RWDD3: variants seen among roughly 807,000 people sequenced by gnomAD.
RWDD3 encodes RWD domain-containing protein 3.
A neutral mutation model predicts 26.5 loss-of-function variants in RWDD3; 30 were observed. The ratio of observed to expected loss-of-function variants is 1.13; its 90% CI spans 0.85 to 1.54. The LOEUF (loss-of-function observed/expected upper bound fraction) is 1.54. Ranked by LOEUF, RWDD3 falls within the 40% of genes most tolerant of loss-of-function variation. The probability of loss-of-function intolerance (pLI) is 0.00; values close to 1 mark genes in which losing one functional copy is unlikely to be tolerated. For synonymous variants in RWDD3, 113 were observed against 114.5 expected (o/e 0.99, Z 0.09); for missense variants, 296 against 309.1 (o/e 0.96, Z 0.32).
intron 1 of RWDD3, chr1:95,237,396 ATTCCTGG>A (rs1179981404): frequency 1.3e-5 from 2 of 152,390 alleles, no homozygotes; most frequent in East Asian, 3.9e-4. Context: ...GAGGAATTGC[ATTCCTGG>A]TAACAAGATA....
Position 95,244,498 on chromosome 1 carries a change from GA to G in RWDD3, c.377del (p.Lys126SerfsTer16), listed in dbSNP as rs780713701. 1 of 1,614,162 alleles carries G rather than the reference GA, an allele frequency of 6.2e-7. No individual in the cohort carries two copies. Among genetic ancestry groups the G allele is most frequent in the Non-Finnish European group, 8.5e-7 (1 of 1,180,022 alleles). On this transcript the variant is annotated frameshift_variant, in exon 2 of 4. Transcript: ENST00000370202. LOFTEE classifies it high-confidence loss of function. ...CCAACCAGAAACTGGCAGTGGCAGT[GA>G]AAAGTGTACTTTTTCAACAAGCACG... is the stretch of plus-strand genomic sequence containing the variant. ...LSQPETGSGS[E>X]KCTFSTSTTM... is the part of the protein sequence containing the mutation.
At position 95,235,734 on chromosome 1, in the gene RWDD3, C is replaced by T. The variant is rs1366383347; in HGVS notation, c.85+1419C>T. Among the ~76,000 whole-genome samples the T allele has an allele frequency of 6.6e-5, 10 of 152,160 alleles. No homozygotes were observed. The East Asian group carries it at 1.7e-3, about 27-fold the overall frequency. ...GCCCACATTTATTGAATCCCTGCTGCCTACAGACTTTGTCAGGGTTTCAGA... is the reference window on the plus strand; with the variant it reads ...GCCCACATTTATTGAATCCCTGCTGTCTACAGACTTTGTCAGGGTTTCAGA... On this transcript the variant is annotated intron_variant, in intron 1 of 3. Transcript: ENST00000370202.
chr1:95,244,453 A>T lies in RWDD3; in HGVS notation c.328A>T (p.Asn110Tyr). The change falls in exon 2 of 4, where the codon AAT becomes TAT. Residue 110 changes from asparagine (N) to tyrosine (Y), a missense_variant. Coordinates refer to ENST00000370202, the MANE Select transcript of RWDD3 (RefSeq NM_015485.5). ...TGAGCTGGTTCTCTGGATTCAGCAG[A>T]ATCTCAGGCATATCCTCAGCCAACC... ...VHELVLWIQQ[N>Y]LRHILSQPET... 1 of 1,614,230 alleles carries T rather than the reference A, an allele frequency of 6.2e-7. No homozygotes were observed. The highest frequency in any genetic ancestry group is 1.6e-4 in the Middle Eastern group (1 of 6,062).
chr1:95,235,106 G>T (rs1231119348), intron 1 of RWDD3, among the ~76,000 whole-genome samples: 1 of 151,624 alleles, frequency 6.6e-6, no homozygotes, highest in Non-Finnish European at 1.5e-5. Context: ...GAGTGCAGTG[G>T]CGCGATCTCG....
At chr1:95,239,930 G>A in intron 1 of RWDD3, 1 of 1,289,652 alleles carries the variant, frequency 7.8e-7, no homozygotes, top group South Asian at 1.2e-5. Context: ...ATATGGCACA[G>A]GTTGGAGAAC....
intron 2 of RWDD3, among the ~76,000 whole-genome samples, chr1:95,245,218 G>C (rs1680804620): frequency 6.6e-6 from 1 of 152,118 alleles, no homozygotes; most frequent in Non-Finnish European, 1.5e-5. Flanking sequence ...AGAATCATTA[G>C]GGCTGTCAAC....
chr1:95,246,741 TTTTGTA>T lies in RWDD3; in HGVS notation c.690-13_690-8del. 1 of 1,550,458 alleles carries T rather than the reference TTTTGTA, an allele frequency of 6.4e-7. No homozygotes were observed. Among genetic ancestry groups the T allele is most frequent in the East Asian group, 2.3e-5 (1 of 43,932 alleles). ...AAATCTAGGCATATTCATGAGTTTCTTTTGTATAATGCAGGTTTCTGGCATTTGAAG... is the reference window on the plus strand; with the variant it reads ...AAATCTAGGCATATTCATGAGTTTCTTAATGCAGGTTTCTGGCATTTGAAG... On this transcript the variant is annotated splice_polypyrimidine_tract_variant and intron_variant, in intron 3 of 3. Coordinates refer to ENST00000370202, the MANE Select transcript of RWDD3 (RefSeq NM_015485.5).
At position 95,244,478 on chromosome 1, in the gene RWDD3, C is replaced by G. The variant is rs1472738415; in HGVS notation, c.353C>G (p.Pro118Arg). 6.2e-7 allele frequency: 1 copy of G among 1,614,050 alleles called. No homozygotes were observed. The highest frequency in any genetic ancestry group is 8.5e-7 in the Non-Finnish European group (1 of 1,180,042). The change falls in exon 2 of 4, where the codon CCA becomes CGA. Residue 118 changes from proline (P) to arginine (R), a missense_variant. Pro to Arg is a moderately radical substitution (Grantham distance 103). Transcript: ENST00000370202. ...QQNLRHILSQ[P>R]ETGSGSEKCT... ...AATCTCAGGCATATCCTCAGCCAAC[C>G]AGAAACTGGCAGTGGCAGTGAAAAG...
chr1:95,236,409 A>C (rs902850276), intron 1 of RWDD3, among the ~76,000 whole-genome samples: 1 of 151,996 alleles, frequency 6.6e-6, no homozygotes, highest in African/African-American at 2.4e-5. Context: ...CCTTCATGAT[A>C]TCCATTGGGT....
At chr1:95,235,033 ATTTAT>A (rs1312926668) in intron 1 of RWDD3, among the ~76,000 whole-genome samples, 3 of 136,466 alleles carry the variant, frequency 2.2e-5, no homozygotes, top group African/African-American at 8.3e-5. Flanking sequence ...GCTGAATTTT[ATTTAT>A]TTTATTTTAT....
At chr1:95,239,655 C>T (rs931208942) in intron 1 of RWDD3, 4 of 846,994 alleles carry the variant, frequency 4.7e-6, no homozygotes, top group Non-Finnish European at 6.3e-6. Flanking sequence ...GAATGCTAAT[C>T]CTTTCCAATT....
At chr1:95,236,465 C>G (rs1392955446) in intron 1 of RWDD3, among the ~76,000 whole-genome samples, 2 of 152,202 alleles carry the variant, frequency 1.3e-5, no homozygotes, top group African/African-American at 2.4e-5. Context: ...TTTATTCCTT[C>G]TTGCATTCAT....
In RWDD3 at chr1:95,244,342, G is replaced by T. The variant is rs771948245; in HGVS notation, c.217G>T (p.Glu73Ter). 4.3e-6 allele frequency: 7 copies of T among 1,614,158 alleles called. No individual in the cohort carries two copies. The highest frequency in any genetic ancestry group is 5.1e-6 in the Non-Finnish European group (6 of 1,180,040). ...SCLPGISINS[E>*]QLTRAQCVTV... Reference sequence around the variant, plus strand: ...TCTACCTGGTATCTCGATTAACTCTGAACAGTTGACCAGGGCCCAGTGTGT... The same window carrying T: ...TCTACCTGGTATCTCGATTAACTCTTAACAGTTGACCAGGGCCCAGTGTGT... Residue 73 changes from glutamate to a stop codon, truncating the protein, a stop_gained, in exon 2 of 4, where the codon GAA becomes TAA. Transcript: ENST00000370202. LOFTEE classifies it high-confidence loss of function.
chr1:95,234,772 G>A (rs1303508440), intron 1 of RWDD3, among the ~76,000 whole-genome samples: 2 of 152,102 alleles, frequency 1.3e-5, no homozygotes, highest in Non-Finnish European at 2.9e-5. Flanking sequence ...GGCAGGGTCT[G>A]TTTGGTAATG....
At chr1:95,244,066 C>G in intron 1 of RWDD3, 145 bp from the exon 2 acceptor site, 1 of 1,225,600 alleles carries the variant, frequency 8.2e-7, no homozygotes, top group South Asian at 1.5e-5. Flanking sequence ...TCATAGCTTT[C>G]CTAGTATTAC....
chr1:95,239,536 G>A (rs1021129163), intron 1 of RWDD3, among the ~76,000 whole-genome samples: 13 of 152,072 alleles, frequency 8.5e-5, no homozygotes, highest in African/African-American at 2.9e-4. Context: ...GTATGTTATT[G>A]GGCTTTTCAG....
rs1318085468 is a variant in RWDD3, at chr1:95,244,186, A to G, written c.86-25A>G. ...ATTCAAATTGAATAATGTACAGCTA[A>G]TGATTATTTTTGGATGCCTTCCAGA... On this transcript the variant is annotated intron_variant, in intron 1 of 3. Transcript: ENST00000370202. The G allele has an allele frequency of 3.1e-6, 5 of 1,605,654 alleles. No individual in the cohort carries two copies. The South Asian group carries it at 5.5e-5, about 18-fold the overall frequency.
chr1:95,244,691 A>C lies in RWDD3; in HGVS notation c.566A>C (p.Asn189Thr), dbSNP rs777010339. ...ATTTTACTACAGGGAGACAGAAACA[A>C]CCTCAAGGTGCCAAAAAGTTAAATG... is the stretch of plus-strand genomic sequence containing the variant. ...ILILLQGDRN[N>T]LKEYLILQKT... The change falls in exon 2 of 4, where the codon AAC becomes ACC. Residue 189 changes from asparagine to threonine, a missense_variant. Transcript: ENST00000370202. 11 of 1,611,976 alleles carry C rather than the reference A, an allele frequency of 6.8e-6. No individual in the cohort carries two copies. The highest frequency in any genetic ancestry group is 9.3e-6 in the Non-Finnish European group (11 of 1,179,240).
intron 1 of RWDD3, chr1:95,243,040 G>A (rs1478318621): frequency 2.6e-5 from 4 of 152,154 alleles, no homozygotes; most frequent in Non-Finnish European, 5.9e-5. Context: ...CATATAAATT[G>A]TATCATTTTA....
Sources: gnomAD v4.1 joint callset for allele counts (sites outside exome capture counted in the v4.1 genomes callset) on GRCh38, gnomAD v4.1.1 for gene constraint, MANE v1.5 for transcripts, NCBI Gene and HGNC (gene_info 2026-07-23, HGNC 2026-07-21) for gene names.